The following IL1RAP variants were observed in gnomAD, a reference collection of about 807,000 sequenced individuals.
IL1RAP encodes the protein interleukin 1 receptor accessory protein, also known as interleukin-1 receptor accessory protein.
Under a neutral mutation model 60.7 loss-of-function variants are expected in IL1RAP, and 35 were observed. That is an observed-to-expected ratio of 0.58 (90% CI 0.44 to 0.76). The LOEUF (loss-of-function observed/expected upper bound fraction) is 0.76, where lower values mean the gene tolerates loss of function less well. IL1RAP is among the 30% of genes least tolerant of loss of function. The probability of loss-of-function intolerance (pLI) is 0.00; values close to 1 mark genes in which losing one functional copy is unlikely to be tolerated. For synonymous variants in IL1RAP, 268 were observed against 250.9 expected (o/e 1.07, Z -0.64); for missense variants, 572 against 693.9 (o/e 0.82, Z 1.97).
At chr3:190,601,597 T>A (rs1729865563) in intron 3 of IL1RAP, among the ~76,000 whole-genome samples, 1 of 152,164 alleles carries the variant, frequency 6.6e-6, no homozygotes, top group Non-Finnish European at 1.5e-5. Context: ...AAAATTAGAA[T>A]AATGACAAGT....
intron 3 of IL1RAP, among the ~76,000 whole-genome samples, chr3:190,576,732 A>G (rs1427814440): frequency 6.6e-6 from 1 of 152,178 alleles, no homozygotes; most frequent in Non-Finnish European, 1.5e-5. Context: ...GCCTCCCTTT[A>G]ATCTTGTAAT....
intron 1 of IL1RAP, among the ~76,000 whole-genome samples, chr3:190,523,012 T>G (rs138932384): frequency 6.6e-5 from 10 of 152,284 alleles, no homozygotes; most frequent in Non-Finnish European, 8.8e-5. Context: ...AAGTAAGTAA[T>G]TTGATACATA....
chr3:190,527,133 A>G (rs1722577000), intron 1 of IL1RAP, among the ~76,000 whole-genome samples: 1 of 152,204 alleles, frequency 6.6e-6, no homozygotes, highest in Non-Finnish European at 1.5e-5. Flanking sequence ...ATTTTGGGTG[A>G]CAAGGAAAAA....
intron 2 of IL1RAP, among the ~76,000 whole-genome samples, chr3:190,558,485 G>A (rs867470868): frequency 2.0e-5 from 3 of 152,120 alleles, no homozygotes; most frequent in African/African-American, 4.8e-5. Flanking sequence ...CATTCTGAAA[G>A]GTGTATTGTG....
At chr3:190,596,036 T>A (rs1460576055) in intron 3 of IL1RAP, among the ~76,000 whole-genome samples, 1 of 152,200 alleles carries the variant, frequency 6.6e-6, no homozygotes, top group Non-Finnish European at 1.5e-5. Flanking sequence ...CAGAGACTAG[T>A]TTAAGAGAAG....
chr3:190,635,673 A>G (rs907227892), intron 9 of IL1RAP, among the ~76,000 whole-genome samples: 5 of 152,140 alleles, frequency 3.3e-5, no homozygotes, highest in African/African-American at 1.2e-4. Flanking sequence ...GTTTTACTAC[A>G]TTATATATGA....
chr3:190,627,260 T>G (rs1277605576), intron 7 of IL1RAP, 63 bp from the exon 8 acceptor site: 1 of 1,187,784 alleles, frequency 8.4e-7, no homozygotes, highest in African/African-American at 3.8e-5. Context: ...TTGTTTTTTG[T>G]TTTGTTTTGT....
chr3:190,530,865 A>G (rs1237828336), intron 1 of IL1RAP, among the ~76,000 whole-genome samples: 1 of 152,204 alleles, frequency 6.6e-6, no homozygotes, highest in East Asian at 1.9e-4. Context: ...TTGATTTGAT[A>G]ACAGCTCTGC....
Position 190,591,399 on chromosome 3 carries a change from G to T in IL1RAP, c.65-12729G>T, listed in dbSNP as rs535330268. Among the ~76,000 whole-genome samples, 37 of 152,208 alleles carry T rather than the reference G, an allele frequency of 2.4e-4. No homozygotes were observed. In the South Asian group the frequency reaches 7.7e-3, roughly 32 times the overall value. The stretch of plus-strand genomic sequence containing the variant: ...AAAGCAGTTGTTTTGGGACATTAGA[G>T]CCCTGGTTTGGCCCCTCCCCACCAC... On this transcript the variant is annotated intron_variant, in intron 3 of 11. Transcript: ENST00000447382.
At chr3:190,626,844 A>G (rs1732324677) in intron 7 of IL1RAP, among the ~76,000 whole-genome samples, 1 of 151,564 alleles carries the variant, frequency 6.6e-6, no homozygotes. Context: ...TAATTTTTGT[A>G]TTTTTAGTAG....
At chr3:190,654,190 TCACACACACA>T (rs57074064), downstream of IL1RAP, among the ~76,000 whole-genome samples, 2,063 of 140,510 alleles carry the variant, frequency 0.015, 55 homozygotes, top group African/African-American at 0.051. Context: ...AAACATCATA[TCACACACACA>T]CACACACACA....
chr3:190,657,015 G>A (rs1447695275), exon 12 of IL1RAP: 2 of 155,362 alleles, frequency 1.3e-5, no homozygotes, highest in Non-Finnish European at 2.8e-5. Flanking sequence ...GAGCAGCATG[G>A]AAAGGAGCTG....
chr3:190,572,855 CTTTGT>C lies in IL1RAP; in HGVS notation c.64+8506_64+8510del, dbSNP rs1278069655. Among the ~76,000 whole-genome samples, 2 of 57,594 alleles carry C rather than the reference CTTTGT, an allele frequency of 3.5e-5. 1 individual carries two copies. Among genetic ancestry groups the C allele is most frequent in the Non-Finnish European group, 6.6e-5 (2 of 30,396 alleles). 37.8% of individuals were successfully genotyped at this position (57,594 alleles called of 152,430 possible). A position where few individuals can be genotyped will look rare whatever the true frequency, so the allele number is the denominator to read the frequency against. Reference sequence around the variant, plus strand: ...GTGGTCAGCATGTCCAGGGTTAATGCTTTGTTTTTTTTTTTTTTTTTTTTTTGAGA... The same window carrying C: ...GTGGTCAGCATGTCCAGGGTTAATGCTTTTTTTTTTTTTTTTTTTTTGAGA... On this transcript the variant is annotated intron_variant, in intron 3 of 11. Coordinates refer to ENST00000447382, the MANE Select transcript of IL1RAP (RefSeq NM_002182.4).
chr3:190,540,473 C>T (rs997820475), intron 1 of IL1RAP, among the ~76,000 whole-genome samples: 42 of 152,004 alleles, frequency 2.8e-4, no homozygotes, highest in Non-Finnish European at 4.9e-4. Context: ...CCTGGCTGTG[C>T]AATGAACCAT....
At chr3:190,627,281 TTTG>T (rs1732379890) in intron 7 of IL1RAP, 39 bp from the exon 8 acceptor site, 1 of 1,453,650 alleles carries the variant, frequency 6.9e-7, no homozygotes, top group Non-Finnish European at 9.3e-7. Flanking sequence ...TTTGTTTTGT[TTTG>T]TTTTTTGTTT....
chr3:190,538,479 C>A (rs906442369), intron 1 of IL1RAP, among the ~76,000 whole-genome samples: 1 of 152,136 alleles, frequency 6.6e-6, no homozygotes, highest in East Asian at 1.9e-4. Context: ...ATCTGCAAGG[C>A]AGGATGGAGT....
At chr3:190,639,705 T>C (rs980898724) in intron 9 of IL1RAP, among the ~76,000 whole-genome samples, 28 of 152,320 alleles carry the variant, frequency 1.8e-4, no homozygotes, top group African/African-American at 5.8e-4. Context: ...CAATTTTGAG[T>C]TCTGAATTTC....
At position 190,649,126 on chromosome 3, in the gene IL1RAP, T is replaced by G; in HGVS notation, c.*421T>G. On this transcript the variant is annotated 3_prime_UTR_variant, in exon 12 of 12. Transcript: ENST00000447382. ...GAGTATAGTTTTCTTTTTATCTTAT[T>G]TTTACTCGTCCGTTGAAAAGATAAT... The G allele has an allele frequency of 1.0e-6, 1 of 988,008 alleles. No homozygotes were observed. Among genetic ancestry groups the G allele is most frequent in the Non-Finnish European group, 1.2e-6 (1 of 831,738 alleles). 61.2% of individuals were successfully genotyped at this position (988,008 alleles called of 1,614,324 possible). A position where few individuals can be genotyped will look rare whatever the true frequency, so the allele number is the denominator to read the frequency against.
intron 1 of IL1RAP, chr3:190,517,717 T>A (rs896152006): frequency 6.6e-6 from 1 of 152,224 alleles, no homozygotes; most frequent in African/African-American, 2.4e-5. Context: ...TTTGCTCCTA[T>A]AGGTAAGCAG....
Sources: allele counts gnomAD v4.1 joint callset (sites outside exome capture counted in the v4.1 genomes callset), GRCh38; gene constraint gnomAD v4.1.1; transcripts MANE v1.5; gene names NCBI Gene and HGNC (gene_info 2026-07-23, HGNC 2026-07-21).